Variants in CDH18 observed in about 807,000 individuals in gnomAD.
CDH18 encodes the protein cadherin-18.
Under a neutral mutation model 67.9 loss-of-function variants are expected in CDH18, and 31 were observed. The observed-to-expected ratio is 0.46, with a 90% CI of 0.34 to 0.62. CDH18 has a LOEUF of 0.62. Ranked by LOEUF, CDH18 falls within the 20% of genes least tolerant of loss-of-function variation. The pLI is 0.01. For synonymous variants in CDH18, 362 were observed against 347.2 expected (o/e 1.04, Z -0.48); for missense variants, 890 against 975.5 (o/e 0.91, Z 1.17).
intron 1 of CDH18, among the ~76,000 whole-genome samples, chr5:20,561,264 A>T (rs1399824516): frequency 6.6e-6 from 1 of 152,128 alleles, no homozygotes; most frequent in Admixed American, 6.6e-5. Flanking sequence ...TACTTACCCA[A>T]ATAAGTTGAA....
At chr5:20,304,547 A>C (rs1474122696) in intron 1 of CDH18, 11 of 1,611,728 alleles carry the variant, frequency 6.8e-6, no homozygotes, top group African/African-American at 2.7e-5. Flanking sequence ...TTGCCAAATA[A>C]ACTGGAGTTT....
chr5:20,344,954 G>A (rs1055533683), intron 1 of CDH18, among the ~76,000 whole-genome samples: 1 of 152,134 alleles, frequency 6.6e-6, no homozygotes, highest in East Asian at 1.9e-4. Flanking sequence ...TTAAACCTGT[G>A]TGTTGCTGCC....
intron 1 of CDH18, among the ~76,000 whole-genome samples, chr5:20,558,008 T>C (rs1438451378): frequency 7.0e-6 from 1 of 141,952 alleles, no homozygotes; most frequent in African/African-American, 2.7e-5. Context: ...AATGTTATAG[T>C]TATATAACAT....
chr5:20,311,542 A>G (rs1736994487), intron 1 of CDH18, among the ~76,000 whole-genome samples: 1 of 152,180 alleles, frequency 6.6e-6, no homozygotes, highest in Admixed American at 6.5e-5. Context: ...AACTATCGCT[A>G]GAACAGAAAA....
chr5:19,950,146 AT>A (rs1795653304), intron 2 of CDH18, among the ~76,000 whole-genome samples: 1 of 151,890 alleles, frequency 6.6e-6, no homozygotes, highest in African/African-American at 2.4e-5. Flanking sequence ...ATTGGAATAA[AT>A]GTGATACACA....
chr5:19,821,741 C>T (rs538125214), intron 3 of CDH18, among the ~76,000 whole-genome samples: 71 of 152,118 alleles, frequency 4.7e-4, no homozygotes, highest in African/African-American at 1.6e-3. Context: ...CAAAGGGAAC[C>T]CCATCAGGCT....
In CDH18 at chr5:19,544,003, T is replaced by C; in HGVS notation, c.1256A>G (p.Tyr419Cys). ...GTCTTCAACATTGTAGTTGATGAAGTATCTAGAGAAAAAAAGAGAAGTTTT... is the reference window on the plus strand; with the variant it reads ...GTCTTCAACATTGTAGTTGATGAAGCATCTAGAGAAAAAAAGAGAAGTTTT... ...DPDSTNSLVRYFINYNVEDDR... is the reference protein window; with the variant it reads ...DPDSTNSLVRCFINYNVEDDR... The change falls in exon 9 of 13, where the codon TAC (tyrosine) becomes TGC (cysteine). Residue 419 changes from tyrosine (Y) to cysteine (C), a missense_variant and splice_region_variant. Tyr to Cys is a radical substitution (Grantham distance 194). Coordinates refer to ENST00000382275, the MANE Select transcript of CDH18 (RefSeq NM_004934.5). 1.3e-6 allele frequency: 2 copies of C among 1,531,138 alleles called. No individual in the cohort carries two copies. Among genetic ancestry groups the C allele is most frequent in the Non-Finnish European group, 1.8e-6 (2 of 1,130,946 alleles). 94.8% of individuals were successfully genotyped at this position (1,531,138 alleles called of 1,614,324 possible).
intron 1 of CDH18, among the ~76,000 whole-genome samples, chr5:20,514,204 ATCT>A (rs1755220825): frequency 6.6e-6 from 1 of 151,870 alleles, no homozygotes; most frequent in Non-Finnish European, 1.5e-5. Context: ...CCTATATCTC[ATCT>A]TCTTCATTTC....
chr5:20,416,755 T>C (rs185021346), intron 1 of CDH18, among the ~76,000 whole-genome samples: 183 of 152,224 alleles, frequency 1.2e-3, no homozygotes, highest in African/African-American at 4.0e-3. Context: ...TACACTCACT[T>C]AATTCTTGAT....
At chr5:19,536,302 C>T (rs574326944) in intron 9 of CDH18, among the ~76,000 whole-genome samples, 94 of 152,280 alleles carry the variant, frequency 6.2e-4, no homozygotes, top group African/African-American at 2.1e-3. Flanking sequence ...AAAACTTTTA[C>T]AGTTGTGACA....
At chr5:19,928,734 G>A (rs1016772667) in intron 2 of CDH18, among the ~76,000 whole-genome samples, 4 of 152,186 alleles carry the variant, frequency 2.6e-5, no homozygotes, top group East Asian at 1.9e-4. Flanking sequence ...GTGTACTGCC[G>A]CAAATCATCA....
At chr5:19,892,413 G>A (rs140199817) in intron 2 of CDH18, among the ~76,000 whole-genome samples, 1 of 152,146 alleles carries the variant, frequency 6.6e-6, no homozygotes, top group African/African-American at 2.4e-5. Context: ...TTTGTGTAGG[G>A]CATCAACTTT....
chr5:20,570,086 G>A (rs1208466361), intron 1 of CDH18, among the ~76,000 whole-genome samples: 1 of 152,222 alleles, frequency 6.6e-6, no homozygotes, highest in East Asian at 1.9e-4. Context: ...TGTTCTGTCT[G>A]ATACTATAAA....
chr5:20,305,721 C>G (rs917304145), intron 1 of CDH18: 3 of 386,202 alleles, frequency 7.8e-6, no homozygotes, highest in East Asian at 6.0e-5. Context: ...CCGGTTCAGC[C>G]GGAGACCGCT....
chr5:19,537,755 GA>G (rs1400302385), intron 9 of CDH18, among the ~76,000 whole-genome samples: 1 of 151,532 alleles, frequency 6.6e-6, no homozygotes, highest in African/African-American at 2.4e-5. Context: ...CTTGTCTTAT[GA>G]ATAACACTCA....
intron 4 of CDH18, among the ~76,000 whole-genome samples, 165 bp downstream of exon 4, chr5:19,746,777 A>G (rs993837620): frequency 6.6e-6 from 1 of 152,220 alleles, no homozygotes; most frequent in Non-Finnish European, 1.5e-5. Context: ...GCTAGACCCA[A>G]TAGTCTTTAA....
chr5:19,506,214 C>T (rs564036323), intron 10 of CDH18, among the ~76,000 whole-genome samples: 4 of 152,114 alleles, frequency 2.6e-5, no homozygotes, highest in Middle Eastern at 3.4e-3. Context: ...ACATGAAAGA[C>T]GTCTTAAAGG....
At chr5:20,518,458 T>C (rs1007658224) in intron 1 of CDH18, among the ~76,000 whole-genome samples, 1 of 152,114 alleles carries the variant, frequency 6.6e-6, no homozygotes, top group Non-Finnish European at 1.5e-5. Flanking sequence ...TTGGTTCCTC[T>C]CTGAACTTGA....
rs11948373 is a variant in CDH18 at position 20,353,528 on chromosome 5, T to C, written c.-579-98023A>G. On this transcript the variant is annotated intron_variant, in intron 1 of 14. Coordinates refer to the CDH18 transcript ENST00000507958. ...ACACTAACTTTTATATTCTGTTTAA[T>C]TTACCATCGTCATTCACCCTAATCC... Among the ~76,000 whole-genome samples, 2,511 of 152,276 alleles carry C rather than the reference T, an allele frequency of 0.016. 239 individuals are homozygous for C. The East Asian group carries it at 0.29, about 18-fold the overall frequency.
Sources: allele counts gnomAD v4.1 joint callset (sites outside exome capture counted in the v4.1 genomes callset), GRCh38; gene constraint gnomAD v4.1.1; transcripts MANE v1.5; gene names NCBI Gene and HGNC (gene_info 2026-07-23, HGNC 2026-07-21).